The following LRP1B variants were observed in gnomAD, a reference collection of about 807,000 sequenced individuals.
The protein encoded by LRP1B is low-density lipoprotein receptor-related protein 1B.
A neutral mutation model predicts 556.6 loss-of-function variants in LRP1B; 217 were observed. The ratio of observed to expected loss-of-function variants is 0.39; its 90% CI spans 0.35 to 0.44. The LOEUF is 0.44. Ranked by LOEUF, LRP1B falls within the 20% of genes least tolerant of loss-of-function variation. The pLI, the probability that LRP1B is intolerant of heterozygous loss-of-function variation, is 1.00. For synonymous variants in LRP1B, 2,047 were observed against 1,865.8 expected, an observed-to-expected ratio of 1.10 and a Z score of -2.50; for missense variants, 5,053 against 5,620.8, an observed-to-expected ratio of 0.90 and a Z score of 3.23.
intron 21 of LRP1B, among the ~76,000 whole-genome samples, chr2:140,908,988 G>T (rs190180638): frequency 6.6e-5 from 10 of 151,954 alleles, no homozygotes; most frequent in Non-Finnish European, 1.3e-4. Context: ...TAGTAGAGAT[G>T]GGGTTTCACC....
At chr2:141,607,283 A>G (rs1282388953) in intron 2 of LRP1B, among the ~76,000 whole-genome samples, 1 of 152,202 alleles carries the variant, frequency 6.6e-6, no homozygotes, top group Non-Finnish European at 1.5e-5. Flanking sequence ...CTACTAAAAC[A>G]AACAACAGCC....
At chr2:140,360,363 G>C (rs953764798) in intron 72 of LRP1B, among the ~76,000 whole-genome samples, 1 of 151,022 alleles carries the variant, frequency 6.6e-6, no homozygotes, top group Non-Finnish European at 1.5e-5. Flanking sequence ...TCCTCTTTAG[G>C]TCTTTTAGGA....
At chr2:140,834,159 TACTC>T (rs1691816288) in intron 31 of LRP1B, among the ~76,000 whole-genome samples, 1 of 152,244 alleles carries the variant, frequency 6.6e-6, no homozygotes, top group Non-Finnish European at 1.5e-5. Context: ...TAATGATCCT[TACTC>T]AATCCTAACC....
rs34757111 is a variant in LRP1B at position 140,886,624 on chromosome 2, G to GT, written c.3767-290dup. 5.6e-3 allele frequency among the ~76,000 whole-genome samples: 824 copies of GT among 148,254 alleles called. 6 individuals are homozygous for GT. The highest frequency in any genetic ancestry group is 0.015 in the African/African-American group (608 of 40,180). On this transcript the variant is annotated intron_variant, in intron 23 of 90. Coordinates refer to ENST00000389484, the MANE Select transcript of LRP1B (RefSeq NM_018557.3). ...GCAAAGACAAAATGGAGGATTTTCT[G>GT]TTTTTTTTTTTAGAATTTCAGCTGA... is the stretch of plus-strand genomic sequence containing the variant.
rs143148635 is a variant in LRP1B, at chr2:141,349,638, C to CA, written c.344-94998dup. On this transcript the variant is annotated intron_variant, in intron 3 of 90. Coordinates refer to ENST00000389484, the MANE Select transcript of LRP1B (RefSeq NM_018557.3). Reference sequence around the variant, plus strand: ...TCTATGTAAATGGTTGAACTGATATCAAAGTGTCTTCTCTAACATTCTATA... The same window carrying CA: ...TCTATGTAAATGGTTGAACTGATATCAAAAGTGTCTTCTCTAACATTCTATA... Among the ~76,000 whole-genome samples, 1,114 of 152,130 alleles carry CA rather than the reference C, an allele frequency of 7.3e-3. 15 individuals carry two copies. The highest frequency in any genetic ancestry group is 0.011 in the Non-Finnish European group (759 of 67,998).
intron 21 of LRP1B, 60 bp from the exon 22 acceptor site, chr2:140,908,137 G>A (rs1040713396): frequency 6.1e-5 from 81 of 1,330,500 alleles, no homozygotes; most frequent in Admixed American, 4.8e-4. Context: ...ATGATAATGA[G>A]TGGCCATTAT....
At chr2:140,548,720 C>G (rs898480520) in intron 43 of LRP1B, among the ~76,000 whole-genome samples, 2 of 152,068 alleles carry the variant, frequency 1.3e-5, no homozygotes, top group African/African-American at 4.8e-5. Flanking sequence ...GTCAAGAGTT[C>G]GTGACCAGCC....
rs573277503 is a variant in LRP1B at position 140,424,074 on chromosome 2, A to G, written c.10414+18430T>C. On this transcript the variant is annotated intron_variant, in intron 66 of 90. Transcript: ENST00000389484. ...TGAAGACTCACATGTTTTAGTCTGT[A>G]TTGACAAAATCTGAAACATATTCAT... 2.6e-5 allele frequency among the ~76,000 whole-genome samples: 4 copies of G among 152,284 alleles called. No homozygotes were observed. The South Asian group carries it at 8.3e-4, about 32-fold the overall frequency.
intron 7 of LRP1B, among the ~76,000 whole-genome samples, chr2:141,180,677 G>A (rs1200464672): frequency 6.6e-6 from 1 of 151,720 alleles, no homozygotes; most frequent in African/African-American, 2.4e-5. Context: ...CCTCTTATCA[G>A]TATTTTATAA....
intron 7 of LRP1B, among the ~76,000 whole-genome samples, chr2:141,116,967 G>A (rs767539471): frequency 1.6e-4 from 25 of 152,082 alleles, no homozygotes; most frequent in East Asian, 1.2e-3. Context: ...TTGTTAGTTC[G>A]TGGGTAACAT....
chr2:140,496,413 CTG>C (rs1688942468), intron 55 of LRP1B, among the ~76,000 whole-genome samples: 1 of 152,068 alleles, frequency 6.6e-6, no homozygotes, highest in Non-Finnish European at 1.5e-5. Flanking sequence ...TATTTATTGA[CTG>C]TGTTTGATTC....
intron 84 of LRP1B, among the ~76,000 whole-genome samples, chr2:140,286,356 G>A (rs1683152350): frequency 1.3e-5 from 2 of 151,828 alleles, no homozygotes; most frequent in African/African-American, 4.8e-5. Context: ...AAAAGAGGGA[G>A]ACTGGAAAGG....
chr2:141,704,461 C>T (rs1272924403), intron 2 of LRP1B, among the ~76,000 whole-genome samples: 2 of 151,920 alleles, frequency 1.3e-5, no homozygotes, highest in Non-Finnish European at 1.5e-5. Context: ...ATATAAAACC[C>T]TCCATGTTCT....
At chr2:141,161,419 G>A (rs1000202343) in intron 7 of LRP1B, among the ~76,000 whole-genome samples, 1 of 152,006 alleles carries the variant, frequency 6.6e-6, no homozygotes, top group East Asian at 1.9e-4. Flanking sequence ...GTTAATCTGA[G>A]GCTACATTAT....
intron 3 of LRP1B, among the ~76,000 whole-genome samples, chr2:141,327,048 T>C (rs1180552551): frequency 3.3e-5 from 5 of 152,016 alleles, no homozygotes. Flanking sequence ...ATAAATGAGA[T>C]GAAATTCACA....
chr2:141,973,078 T>C (rs1313119884), intron 1 of LRP1B, among the ~76,000 whole-genome samples: 1 of 151,672 alleles, frequency 6.6e-6, no homozygotes, highest in Non-Finnish European at 1.5e-5. Flanking sequence ...GTTTTATCAA[T>C]ATATTCCATT....
intron 20 of LRP1B, among the ~76,000 whole-genome samples, chr2:140,924,332 A>G (rs928236809): frequency 2.0e-5 from 3 of 152,068 alleles, no homozygotes; most frequent in Admixed American, 1.3e-4. Flanking sequence ...TGAGAATTAA[A>G]TTAGATATCT....
chr2:141,466,810 C>T (rs139784414), intron 3 of LRP1B, among the ~76,000 whole-genome samples: 249 of 151,948 alleles, frequency 1.6e-3, no homozygotes, highest in Non-Finnish European at 3.0e-3. Flanking sequence ...CTATCTATAA[C>T]CTTTTTTTAA....
At chr2:141,739,335 A>G (rs1693611412) in intron 2 of LRP1B, among the ~76,000 whole-genome samples, 1 of 152,150 alleles carries the variant, frequency 6.6e-6, no homozygotes, top group Non-Finnish European at 1.5e-5. Flanking sequence ...TGAAAAACCA[A>G]ACAATACTTA....
Sources: allele counts gnomAD v4.1 joint callset (sites outside exome capture counted in the v4.1 genomes callset), GRCh38; gene constraint gnomAD v4.1.1; transcripts MANE v1.5; gene names NCBI Gene and HGNC (gene_info 2026-07-23, HGNC 2026-07-21).